The following ULK1 variants were observed in gnomAD, a reference collection of about 807,000 sequenced individuals.
The protein encoded by ULK1 is serine/threonine-protein kinase ULK1.
Under a neutral mutation model 117.5 loss-of-function variants are expected in ULK1, and 48 were observed. The observed-to-expected ratio is 0.41, with a 90% CI of 0.32 to 0.52. ULK1 has a LOEUF of 0.52. Among genes scored for constraint, ULK1 ranks in the 20% least tolerant of loss-of-function variants. The pLI is 0.29. For synonymous variants in ULK1, 790 were observed against 637.8 expected (o/e 1.24, Z -3.60); for missense variants, 1,387 against 1,473.4 (o/e 0.94, Z 0.96).
At chr12:131,912,861 T>C in intron 13 of ULK1, among the ~76,000 whole-genome samples, 1 of 151,962 alleles carries the variant, frequency 6.6e-6, no homozygotes. Flanking sequence ...CTTAGGGCTG[T>C]AGATGCCTGA....
At chr12:131,910,925 A>G in intron 12 of ULK1, 125 bp downstream of exon 12, 4 of 1,477,786 alleles carry the variant, frequency 2.7e-6, no homozygotes, top group Non-Finnish European at 3.6e-6. Context: ...AAAGACATGG[A>G]TGAGTTCATT....
chr12:131,912,398 C>T (rs185969512), intron 13 of ULK1, among the ~76,000 whole-genome samples: 1 of 152,250 alleles, frequency 6.6e-6, no homozygotes, highest in Admixed American at 6.5e-5. Flanking sequence ...GCCATGTACC[C>T]CTACCTTGTT....
intron 20 of ULK1, 89 bp from the exon 21 acceptor site, chr12:131,916,864 A>T: frequency 9.7e-7 from 1 of 1,033,718 alleles, no homozygotes. Context: ...ACCGTGCATC[A>T]TGTGTGTCTG....
At chr12:131,911,845 T>C (rs1405330677) in intron 12 of ULK1, 97 bp from the exon 13 acceptor site, 3 of 1,557,018 alleles carry the variant, frequency 1.9e-6, no homozygotes, top group Non-Finnish European at 2.6e-6. Context: ...CGCCCCGATC[T>C]TTACTGGGGC....
Position 131,914,381 on chromosome 12 carries a change from G to A in ULK1, c.1277G>A (p.Cys426Tyr), listed in dbSNP as rs771810049. The A allele has an allele frequency of 1.2e-6, 2 of 1,612,210 alleles. No homozygotes were observed. The highest frequency in any genetic ancestry group is 1.7e-6 in the Non-Finnish European group (2 of 1,179,950). ...GCTGGCCCGTTCTCCAGCAGCAGGT[G>A]CGGCGCCTCTGTCCCCATCCCAGTC... ...GRAGPFSSSR[C>Y]GASVPIPVPT... Residue 426 changes from cysteine (C) to tyrosine (Y), a missense_variant, in exon 16 of 28, where the codon TGC becomes TAC. Physicochemically the swap from Cys to Tyr is radical, Grantham distance 194. Coordinates refer to ENST00000321867, the MANE Select transcript of ULK1 (RefSeq NM_003565.4).
Position 131,916,084 on chromosome 12 carries a change from C to T in ULK1, c.1803C>T (p.Asn601=). Residue 601 remains asparagine (N), a synonymous_variant, in exon 19 of 28, where the codon AAC becomes AAT. Transcript: ENST00000321867. ...CCCACGGCCTGCAGTCCTGCCGGAA[C>T]CTGCGGGGCTCACCCAAGCTGCCCG... is the stretch of plus-strand genomic sequence containing the variant. ...QPSHGLQSCR[N]LRGSPKLPDF... is the part of the protein sequence containing the mutation. The T allele has an allele frequency of 1.9e-6, 3 of 1,612,586 alleles. No individual in the cohort carries two copies. Among genetic ancestry groups the T allele is most frequent in the South Asian group, 1.1e-5 (1 of 91,080 alleles).
intron 3 of ULK1, among the ~76,000 whole-genome samples, chr12:131,898,860 C>T (rs1002501784): frequency 2.6e-5 from 4 of 151,540 alleles, no homozygotes; most frequent in Non-Finnish European, 5.9e-5. Context: ...TTAGAAATAC[C>T]ACCTGTCCTT....
At chr12:131,918,907 AGG>A (rs1566129208) in intron 23 of ULK1, among the ~76,000 whole-genome samples, 8 of 4,372 alleles carry the variant, frequency 1.8e-3, no homozygotes, top group East Asian at 9.3e-3. Context: ...TGTGGGGTGT[AGG>A]GTGTGTGGGG....
chr12:131,906,968 T>A (rs201395416), intron 4 of ULK1, 44 bp downstream of exon 4: 1 of 1,613,684 alleles, frequency 6.2e-7, no homozygotes. Flanking sequence ...CTGATGGCCA[T>A]GGCCCTGGGA....
chr12:131,913,249 T>C lies in ULK1; in HGVS notation c.1148T>C (p.Met383Thr), dbSNP rs1566122382. ...GCCAAACCCCCGCCAGACAGCCTGA[T>C]GTGCAGTGGGTGAGCCCCCATCCCT... ...PSAKPPPDSL[M>T]CSGSSLVASA... Residue 383 changes from methionine (M) to threonine (T), a missense_variant, in exon 14 of 28, where the codon ATG (methionine) becomes ACG (threonine). By Grantham distance (81) the Met-to-Thr change is moderately conservative (BLOSUM62 -1). This residue lies in a region of ULK1 where 260 missense variants were observed against 271.6 expected (regional missense o/e 0.96). Transcript: ENST00000321867. The C allele has an allele frequency of 6.3e-7, 1 of 1,590,280 alleles. No homozygotes were observed. The highest frequency in any genetic ancestry group is 1.1e-5 in the South Asian group (1 of 88,248).
At chr12:131,913,306 G>A in intron 14 of ULK1, 48 bp downstream of exon 14, 1 of 1,488,056 alleles carries the variant, frequency 6.7e-7, no homozygotes, top group Non-Finnish European at 8.9e-7. Context: ...AGAAACTGTG[G>A]CCTTGGAAGT....
Position 131,916,805 on chromosome 12 carries a change from C to T in ULK1, c.2073-148C>T, listed in dbSNP as rs575704106. 101 of 968,930 alleles carry T rather than the reference C, an allele frequency of 1.0e-4. No homozygotes were observed. In the East Asian group the frequency reaches 1.6e-3, roughly 15 times the overall value. 60.0% of individuals were successfully genotyped at this position (968,930 alleles called of 1,614,324 possible). A position where few individuals can be genotyped will look rare whatever the true frequency, so the allele number is the denominator to read the frequency against. On this transcript the variant is annotated intron_variant, in intron 20 of 27. Transcript: ENST00000321867. ...CCGTCCTGAGCCTCGCCATGCCCGC[C>T]TGTAAGCTGGGGTGACAGGAGCGCC...
chr12:131,909,328 G>T, intron 8 of ULK1, 91 bp downstream of exon 8: 2 of 1,370,948 alleles, frequency 1.5e-6, no homozygotes, highest in Non-Finnish European at 2.0e-6. Context: ...CCCTGCCCGC[G>T]CCCCACGAGC....
rs1353065664 is a variant in ULK1, at chr12:131,917,405, T to C, written c.2183-6T>C. On this transcript the variant is annotated splice_polypyrimidine_tract_variant and splice_region_variant and intron_variant, in intron 21 of 27. Coordinates refer to ENST00000321867, the MANE Select transcript of ULK1 (RefSeq NM_003565.4). Reference sequence around the variant, plus strand: ...GATGCTCCTGAGCCCTTCCTTGCTCTCCCAGCACCCTCAGCTGGCTTTGGA... The same window carrying C: ...GATGCTCCTGAGCCCTTCCTTGCTCCCCCAGCACCCTCAGCTGGCTTTGGA... 1.5e-5 allele frequency: 23 copies of C among 1,501,406 alleles called. No individual in the cohort carries two copies. The highest frequency in any genetic ancestry group is 2.0e-5 in the Non-Finnish European group (23 of 1,127,246). The allele number at this position is 1,501,406 out of a possible 1,614,324, so 93.0% of individuals were successfully genotyped here.
Position 131,908,787 on chromosome 12 carries a change from G to T in ULK1, c.460G>T (p.Ala154Ser). ...ILLSNPAGRRANPNSIRVKIA... is the reference protein window; with the variant it reads ...ILLSNPAGRRSNPNSIRVKIA... ...GCTGTCCAACCCCGCCGGCCGCCGC[G>T]CCAACCCCAACAGCATCCGCGTCAA... Residue 154 changes from alanine to serine, a missense_variant, in exon 6 of 28, where the codon GCC becomes TCC. Ala to Ser is a moderately conservative substitution (Grantham distance 99). Coordinates refer to ENST00000321867, the MANE Select transcript of ULK1 (RefSeq NM_003565.4). 6.2e-7 allele frequency: 1 copy of T among 1,606,998 alleles called. No individual in the cohort carries two copies. The highest frequency in any genetic ancestry group is 8.5e-7 in the Non-Finnish European group (1 of 1,177,632).
In ULK1 at chr12:131,903,701, AGAG is replaced by A. The variant is rs755244873; in HGVS notation, c.247-3188_247-3186del. On this transcript the variant is annotated intron_variant, in intron 3 of 27. Coordinates refer to ENST00000321867, the MANE Select transcript of ULK1 (RefSeq NM_003565.4). The surrounding 1 kb of genome is among the most constrained non-coding windows in gnomAD (Gnocchi z 6.0). Reference sequence around the variant, plus strand: ...CCAGTGGCCTTGAGTCACCTGCTGGAGAGGACCTTTTAGGAGAGAGGCTGAGCA... The same window carrying A: ...CCAGTGGCCTTGAGTCACCTGCTGGAGACCTTTTAGGAGAGAGGCTGAGCA... 1.6e-4 allele frequency among the ~76,000 whole-genome samples: 25 copies of A among 152,038 alleles called. No individual in the cohort carries two copies. The highest frequency in any genetic ancestry group is 2.2e-4 in the Non-Finnish European group (15 of 67,974).
chr12:131,912,142 T>C (rs966517825), intron 13 of ULK1, 53 bp downstream of exon 13: 3 of 1,562,810 alleles, frequency 1.9e-6, no homozygotes, highest in Non-Finnish European at 2.6e-6. Flanking sequence ...GCGGGGACAG[T>C]GCATTGCATG....
Position 131,916,460 on chromosome 12 carries a change from C to G in ULK1, c.1941C>G (p.Ala647=). 7 of 1,611,880 alleles carry G rather than the reference C, an allele frequency of 4.3e-6. No individual in the cohort carries two copies. Among genetic ancestry groups the G allele is most frequent in the Non-Finnish European group, 5.9e-6 (7 of 1,179,556 alleles). ...PSSQNLLALL[A]RQGVVMTPPR... ...CCCAGAACCTGCTGGCCCTCCTAGC[C>G]CGGCAGGGCGTGGTGATGACGCCCC... The change falls in exon 20 of 28, where the codon GCC becomes GCG. Residue 647 remains alanine (A), a synonymous_variant. Transcript: ENST00000321867.
intron 6 of ULK1, 22 bp downstream of exon 6, chr12:131,908,839 C>A (rs373988299): frequency 3.7e-6 from 6 of 1,604,320 alleles, no homozygotes; most frequent in South Asian, 2.2e-5. Context: ...GGCAGGCAGG[C>A]GGGCCCGGCG....
Sources: allele counts gnomAD v4.1 joint callset (sites outside exome capture counted in the v4.1 genomes callset), GRCh38; gene constraint gnomAD v4.1.1; regional missense constraint gnomAD v4.1.1; non-coding constraint Gnocchi (gnomAD v3.1); transcripts MANE v1.5; gene names NCBI Gene and HGNC (gene_info 2026-07-23, HGNC 2026-07-21).